The following SVOPL variants were observed in gnomAD, a reference collection of about 807,000 sequenced individuals.
The protein encoded by SVOPL is SVOP like, also known as putative transporter SVOPL.
SVOPL carries 60 observed loss-of-function variants against 61.0 expected under a neutral mutation model. The observed-to-expected ratio is 0.98, with a 90% CI of 0.80 to 1.22. The LOEUF is 1.22. Among genes scored for constraint, SVOPL ranks in the 50% most tolerant of loss-of-function variants. The probability of loss-of-function intolerance (pLI) is 0.00; values close to 1 mark genes in which losing one functional copy is unlikely to be tolerated. For missense variants in SVOPL, 662 were observed against 643.9 expected (o/e 1.03, Z -0.30); for synonymous variants, 279 against 250.0 (o/e 1.12, Z -1.09).
chr7:138,644,632 C>T (rs1259785993), intron 9 of SVOPL, 85 bp downstream of exon 9: 8 of 1,530,812 alleles, frequency 5.2e-6, no homozygotes, highest in East Asian at 2.3e-5. Flanking sequence ...GAACAAGGGT[C>T]CCCCCTCCCT....
chr7:138,688,763 C>T (rs377035214), intron 1 of SVOPL, among the ~76,000 whole-genome samples: 28 of 152,142 alleles, frequency 1.8e-4, no homozygotes, highest in African/African-American at 6.0e-4. Context: ...ATAGAGTTAC[C>T]GTATGTGCTG....
At chr7:138,610,986 G>A (rs576036447) in intron 14 of SVOPL, among the ~76,000 whole-genome samples, 2 of 152,166 alleles carry the variant, frequency 1.3e-5, no homozygotes, top group Non-Finnish European at 1.5e-5. Context: ...TCCTAAGACC[G>A]CTGCCACTCT....
Position 138,596,345 on chromosome 7 carries a change from C to CAAT in SVOPL, c.1467+71_1467+72insATT, listed in dbSNP as rs1798277170. The CAAT allele has an allele frequency of 4.8e-6, 6 of 1,254,602 alleles. No individual in the cohort carries two copies. The Admixed American group carries it at 1.2e-4, about 25-fold the overall frequency. The allele number at this position is 1,254,602 out of a possible 1,614,324, so 77.7% of individuals were successfully genotyped here. ...TAGTTATTTTAACTACAATGATGCC[C>CAAT]ATATACCAAGTTCATTTGCTCTGGG... On this transcript the variant is annotated intron_variant, in intron 15 of 15. Transcript: ENST00000674285.
intron 1 of SVOPL, among the ~76,000 whole-genome samples, chr7:138,682,140 G>T (rs1205766490): frequency 2.0e-5 from 3 of 152,158 alleles, no homozygotes; most frequent in Non-Finnish European, 4.4e-5. Flanking sequence ...CAGAGAAAAG[G>T]ATGGAATTAA....
intron 8 of SVOPL, among the ~76,000 whole-genome samples, chr7:138,648,091 A>G (rs991790443): frequency 9.2e-5 from 14 of 152,162 alleles, no homozygotes; most frequent in African/African-American, 3.4e-4. Context: ...AAGGAAGATG[A>G]TGATTCTACA....
At chr7:138,621,862 C>CTATGTATCTATCTATG (rs1563095564) in intron 13 of SVOPL, among the ~76,000 whole-genome samples, 1 of 41,186 alleles carries the variant, frequency 2.4e-5, no homozygotes, top group African/African-American at 7.0e-5. Flanking sequence ...ATCTATCTAT[C>CTATGTATCTATCTATG]TATCTATCTA....
intron 14 of SVOPL, among the ~76,000 whole-genome samples, chr7:138,609,931 G>A (rs1798924899): frequency 6.6e-6 from 1 of 152,126 alleles, no homozygotes; most frequent in Non-Finnish European, 1.5e-5. Flanking sequence ...GTTTTGCCAT[G>A]TTGGCCAGGC....
chr7:138,599,639 G>A (rs1448731889), intron 14 of SVOPL, among the ~76,000 whole-genome samples: 1 of 152,142 alleles, frequency 6.6e-6, no homozygotes, highest in Admixed American at 6.5e-5. Context: ...TGTAATCCCA[G>A]CACTTTGGGA....
chr7:138,686,396 A>T (rs1198881589), intron 1 of SVOPL, among the ~76,000 whole-genome samples: 1 of 121,064 alleles, frequency 8.3e-6, no homozygotes, highest in East Asian at 2.4e-4. Flanking sequence ...AAAGAGTGAG[A>T]CTCCGCCTCA....
At chr7:138,597,472 T>C (rs1798327437) in intron 14 of SVOPL, among the ~76,000 whole-genome samples, 1 of 151,284 alleles carries the variant, frequency 6.6e-6, no homozygotes, top group South Asian at 2.1e-4. Flanking sequence ...GTTTCAGGGC[T>C]GCTGCTTTCC....
At chr7:138,654,937 T>C (rs1801647943) in intron 7 of SVOPL, among the ~76,000 whole-genome samples, 1 of 149,236 alleles carries the variant, frequency 6.7e-6, no homozygotes, top group Non-Finnish European at 1.5e-5. Context: ...ATGCCTGTAA[T>C]CCCAGCACTT....
intron 1 of SVOPL, among the ~76,000 whole-genome samples, chr7:138,687,178 C>A (rs1802834892): frequency 6.6e-6 from 1 of 151,232 alleles, no homozygotes; most frequent in African/African-American, 2.4e-5. Context: ...GTTGGAACAC[C>A]ATTTGAAGGG....
intron 1 of SVOPL, among the ~76,000 whole-genome samples, 167 bp from the exon 2 acceptor site, chr7:138,679,246 A>G (rs1037945060): frequency 6.6e-6 from 1 of 152,060 alleles, no homozygotes; most frequent in East Asian, 1.9e-4. Context: ...CAAGCAGCTC[A>G]GTGTTTTTTT....
chr7:138,661,859 T>C (rs1263151795), intron 5 of SVOPL: 11 of 984,572 alleles, frequency 1.1e-5, no homozygotes, highest in Non-Finnish European at 1.3e-5. Flanking sequence ...TCCCTACTTA[T>C]ATTAATTTCG....
At position 138,649,206 on chromosome 7, in the gene SVOPL, A is replaced by G. The variant is rs757344408; in HGVS notation, c.535-69T>C. ...TGACAATGAAAAAAAAAAAGGAAAAATATATATTTTTAGAAAGATTAAAAT... is the reference window on the plus strand; with the variant it reads ...TGACAATGAAAAAAAAAAAGGAAAAGTATATATTTTTAGAAAGATTAAAAT... On this transcript the variant is annotated intron_variant, in intron 7 of 15. Coordinates refer to ENST00000674285, the MANE Select transcript of SVOPL (RefSeq NM_001139456.2). 9 of 1,508,990 alleles carry G rather than the reference A, an allele frequency of 6.0e-6. No individual in the cohort carries two copies. In the Admixed American group the frequency reaches 6.7e-5, roughly 11 times the overall value. The allele number at this position is 1,508,990 out of a possible 1,614,324, so 93.5% of individuals were successfully genotyped here. A position where few individuals can be genotyped will look rare whatever the true frequency, so the allele number is the denominator to read the frequency against.
intron 9 of SVOPL, among the ~76,000 whole-genome samples, chr7:138,643,802 T>C (rs947188827): frequency 2.6e-5 from 4 of 152,080 alleles, no homozygotes; most frequent in Non-Finnish European, 5.9e-5. Flanking sequence ...TCAGCTTTGT[T>C]AAGATGAAGA....
chr7:138,602,459 A>ATATG (rs1554450686), intron 14 of SVOPL, among the ~76,000 whole-genome samples: 1 of 19,098 alleles, frequency 5.2e-5, no homozygotes, highest in African/African-American at 2.6e-4. Context: ...ATATATATAT[A>ATATG]TATATATATA....
rs144638129 is a variant in SVOPL, at chr7:138,626,066, C to A, written c.1182-16G>T. ...CAGGCCGGCACTAGAAAACAGGAAG[C>A]GGAGAGAAATTATAAAAGGCAGCAT... On this transcript the variant is annotated splice_polypyrimidine_tract_variant and intron_variant, in intron 12 of 15. Transcript: ENST00000674285. 1,689 of 1,613,558 alleles carry A rather than the reference C, an allele frequency of 1.0e-3. 19 individuals are homozygous for A. In the African/African-American group the frequency reaches 0.02, roughly 19 times the overall value.
At chr7:138,676,221 G>A (rs1289549701) in intron 3 of SVOPL, among the ~76,000 whole-genome samples, 1 of 152,236 alleles carries the variant, frequency 6.6e-6, no homozygotes, top group Admixed American at 6.5e-5. Flanking sequence ...CCACTGTTGT[G>A]AAAGCCTCTG....
Sources: allele counts gnomAD v4.1 joint callset (sites outside exome capture counted in the v4.1 genomes callset), GRCh38; gene constraint gnomAD v4.1.1; transcripts MANE v1.5; gene names NCBI Gene and HGNC (gene_info 2026-07-23, HGNC 2026-07-21).